CACNA2D1: variants seen among roughly 807,000 people sequenced by gnomAD.
CACNA2D1 encodes the protein voltage-dependent calcium channel subunit alpha-2/delta-1.
CACNA2D1 carries 53 observed loss-of-function variants against 171.5 expected under a neutral mutation model. The observed-to-expected ratio is 0.31, with a 90% confidence interval of 0.25 to 0.39. CACNA2D1 has a LOEUF of 0.39. Among genes scored for constraint, CACNA2D1 ranks in the 10% least tolerant of loss-of-function variants. The pLI, the probability that CACNA2D1 is intolerant of heterozygous loss-of-function variation, is 1.00. For synonymous variants in CACNA2D1, 442 were observed against 443.1 expected (o/e 1.00, Z 0.03); for missense variants, 903 against 1,299.8 (o/e 0.69, Z 4.69).
chr7:81,949,048 T>C lies in CACNA2D1; in HGVS notation c.*1344A>G, dbSNP rs1792269787. 6.6e-6 allele frequency: 1 copy of C among 152,022 alleles called. No individual in the cohort carries two copies. Among genetic ancestry groups the C allele is most frequent in the South Asian group, 2.1e-4 (1 of 4,836 alleles). The allele number at this position is 152,022 out of a possible 1,614,324, so 9.4% of individuals were successfully genotyped here. A position where few individuals can be genotyped will look rare whatever the true frequency, so the allele number is the denominator to read the frequency against. On this transcript the variant is annotated 3_prime_UTR_variant, in exon 39 of 39. Coordinates refer to ENST00000356860, the MANE Select transcript of CACNA2D1 (RefSeq NM_000722.4). ...CCCTTATCAACTTGCATGGAAATTTTGGCCAAACGATCATACCATTTAAAA... is the reference window on the plus strand; with the variant it reads ...CCCTTATCAACTTGCATGGAAATTTCGGCCAAACGATCATACCATTTAAAA...
At chr7:82,353,256 T>C (rs1820053861) in intron 1 of CACNA2D1, among the ~76,000 whole-genome samples, 1 of 152,104 alleles carries the variant, frequency 6.6e-6, no homozygotes, top group South Asian at 2.1e-4. Flanking sequence ...TAAGACTTCA[T>C]GCACTGTTGG....
At chr7:82,071,984 G>A (rs1051157597) in intron 7 of CACNA2D1, among the ~76,000 whole-genome samples, 1 of 152,150 alleles carries the variant, frequency 6.6e-6, no homozygotes, top group Non-Finnish European at 1.5e-5. Flanking sequence ...AACCTCAGTT[G>A]CTGGACAACA....
intron 7 of CACNA2D1, among the ~76,000 whole-genome samples, chr7:82,073,653 T>C (rs1808595612): frequency 1.3e-5 from 2 of 152,164 alleles, no homozygotes; most frequent in Non-Finnish European, 2.9e-5. Context: ...CAGGCGTGAG[T>C]GCAATGGTGC....
chr7:82,430,706 G>A (rs1585936592), intron 1 of CACNA2D1, among the ~76,000 whole-genome samples: 1 of 152,114 alleles, frequency 6.6e-6, no homozygotes, highest in East Asian at 1.9e-4. Flanking sequence ...TCAAGTAAAC[G>A]CTGGCCTTTT....
intron 38 of CACNA2D1, among the ~76,000 whole-genome samples, chr7:81,951,713 A>G (rs1314384021): frequency 6.6e-6 from 1 of 152,048 alleles, no homozygotes; most frequent in African/African-American, 2.4e-5. Flanking sequence ...TGTTGTATAT[A>G]TACCACATTT....
At chr7:82,375,824 A>G (rs1455816161) in intron 1 of CACNA2D1, among the ~76,000 whole-genome samples, 2 of 152,128 alleles carry the variant, frequency 1.3e-5, no homozygotes, top group African/African-American at 4.8e-5. Context: ...CCCAAACAGC[A>G]TGTCTTTGAG....
At chr7:81,981,662 T>C (rs1315217348) in intron 24 of CACNA2D1, among the ~76,000 whole-genome samples, 1 of 152,162 alleles carries the variant, frequency 6.6e-6, no homozygotes, top group Non-Finnish European at 1.5e-5. Flanking sequence ...ATATTATATG[T>C]GTCTGTCATG....
intron 1 of CACNA2D1, among the ~76,000 whole-genome samples, chr7:82,409,452 C>T (rs1025317366): frequency 1.4e-4 from 21 of 152,098 alleles, no homozygotes; most frequent in African/African-American, 5.1e-4. Context: ...CAACATGATG[C>T]AAGTATTGGC....
intron 1 of CACNA2D1, among the ~76,000 whole-genome samples, chr7:82,381,914 T>C (rs1353285505): frequency 2.6e-5 from 4 of 151,548 alleles, no homozygotes; most frequent in Admixed American, 2.6e-4. Context: ...TGTACAGATT[T>C]TATTTCCTAT....
At chr7:81,964,700 T>C (rs1378379114) in intron 32 of CACNA2D1, among the ~76,000 whole-genome samples, 1 of 151,874 alleles carries the variant, frequency 6.6e-6, no homozygotes, top group African/African-American at 2.4e-5. Flanking sequence ...GAAGCAGTTA[T>C]GTAGAATGCA....
At chr7:82,289,708 T>C (rs1811279872) in intron 3 of CACNA2D1, among the ~76,000 whole-genome samples, 2 of 152,228 alleles carry the variant, frequency 1.3e-5, no homozygotes, top group South Asian at 2.1e-4. Flanking sequence ...ACCTCACTCA[T>C]CTTTGAGAAA....
Position 82,353,586 on chromosome 7 carries a change from T to C in CACNA2D1, c.96-3937A>G, listed in dbSNP as rs149456530. Among the ~76,000 whole-genome samples the C allele has an allele frequency of 7.0e-3, 1,062 of 151,926 alleles. 15 individuals carry two copies. The highest frequency in any genetic ancestry group is 0.025 in the African/African-American group (1,022 of 41,448). On this transcript the variant is annotated intron_variant, in intron 1 of 38. Coordinates refer to ENST00000356860, the MANE Select transcript of CACNA2D1 (RefSeq NM_000722.4). ...AACAGTAGTGACAACTCTGGAAAGGTACATTTAAAGAACAAATAGAGGAAC... is the reference window on the plus strand; with the variant it reads ...AACAGTAGTGACAACTCTGGAAAGGCACATTTAAAGAACAAATAGAGGAAC...
At chr7:82,247,268 G>T (rs1805040429) in intron 3 of CACNA2D1, among the ~76,000 whole-genome samples, 1 of 152,128 alleles carries the variant, frequency 6.6e-6, no homozygotes, top group African/African-American at 2.4e-5. Flanking sequence ...CCAGCACTTT[G>T]GGAGGCTGAG....
chr7:82,222,845 A>T (rs1334959851), intron 3 of CACNA2D1, among the ~76,000 whole-genome samples: 2 of 151,698 alleles, frequency 1.3e-5, no homozygotes, highest in Non-Finnish European at 2.9e-5. Context: ...ATAAAATCAA[A>T]ATTAGTTTTT....
intron 3 of CACNA2D1, among the ~76,000 whole-genome samples, chr7:82,194,201 G>C (rs181694130): frequency 6.6e-6 from 1 of 152,078 alleles, no homozygotes; most frequent in Admixed American, 6.6e-5. Context: ...CAGCTGCTCC[G>C]TAGGGCTGGG....
intron 10 of CACNA2D1, among the ~76,000 whole-genome samples, chr7:82,052,448 T>C (rs1236945813): frequency 2.6e-5 from 4 of 152,212 alleles, no homozygotes; most frequent in Non-Finnish European, 5.9e-5. Flanking sequence ...TTGTTAAATC[T>C]GTATTTAATG....
intron 5 of CACNA2D1, 55 bp downstream of exon 5, chr7:82,136,580 C>T: frequency 9.0e-6 from 12 of 1,336,894 alleles, no homozygotes; most frequent in South Asian, 2.5e-5. Flanking sequence ...CTATATAAGG[C>T]CAATCATTTT....
At chr7:82,153,406 T>C (rs1304681024) in intron 4 of CACNA2D1, among the ~76,000 whole-genome samples, 1 of 152,044 alleles carries the variant, frequency 6.6e-6, no homozygotes, top group African/African-American at 2.4e-5. Flanking sequence ...TTTTAGATCT[T>C]ATTTCTAATA....
At chr7:82,133,934 A>T (rs1046491574) in intron 5 of CACNA2D1, among the ~76,000 whole-genome samples, 4 of 151,996 alleles carry the variant, frequency 2.6e-5, no homozygotes, top group Non-Finnish European at 4.4e-5. Flanking sequence ...TTAGCTGGGC[A>T]TGGTGGCGGG....
Sources: gnomAD v4.1 joint callset for allele counts (sites outside exome capture counted in the v4.1 genomes callset) on GRCh38, gnomAD v4.1.1 for gene constraint, MANE v1.5 for transcripts, NCBI Gene and HGNC (gene_info 2026-07-23, HGNC 2026-07-21) for gene names.